The following GRAP2 variants were observed in gnomAD, a reference collection of about 807,000 sequenced individuals.
GRAP2 encodes GRB2 related adaptor protein 2.
In GRAP2, 31 loss-of-function variants were observed where a neutral mutation model predicts 43.5. That is an observed-to-expected ratio of 0.71 (90% CI 0.54 to 0.96). GRAP2 has a LOEUF of 0.96. GRAP2 is among the 40% of genes least tolerant of loss of function. The probability of loss-of-function intolerance (pLI) is 0.00; values close to 1 mark genes in which losing one functional copy is unlikely to be tolerated. For missense variants in GRAP2, 371 were observed against 424.4 expected, an observed-to-expected ratio of 0.87 and a Z score of 1.11; for synonymous variants, 156 against 164.8, an observed-to-expected ratio of 0.95 and a Z score of 0.41.
At chr22:39,903,919 G>C (rs532952983) in intron 1 of GRAP2, among the ~76,000 whole-genome samples, 2 of 152,212 alleles carry the variant, frequency 1.3e-5, no homozygotes, top group East Asian at 3.9e-4. Context: ...TTAACATTAA[G>C]TTTCAATAAA....
At chr22:39,944,928 A>G (rs1390188699) in intron 1 of GRAP2, among the ~76,000 whole-genome samples, 2 of 152,224 alleles carry the variant, frequency 1.3e-5, no homozygotes, top group African/African-American at 4.8e-5. Flanking sequence ...CTTCAGGACC[A>G]TTCACCTGAC....
chr22:39,953,567 C>G (rs748565685), intron 2 of GRAP2, among the ~76,000 whole-genome samples: 3 of 152,186 alleles, frequency 2.0e-5, no homozygotes, highest in Non-Finnish European at 4.4e-5. Context: ...GCCTTGCAAT[C>G]TATCTTCACA....
chr22:39,961,847 A>G (rs2067123149), intron 4 of GRAP2, among the ~76,000 whole-genome samples: 1 of 152,258 alleles, frequency 6.6e-6, no homozygotes, highest in South Asian at 2.1e-4. Flanking sequence ...TCCAATCTCA[A>G]GTAATAAACT....
At chr22:39,948,001 G>T (rs534267012) in intron 2 of GRAP2, 1 of 151,926 alleles carries the variant, frequency 6.6e-6, no homozygotes, top group South Asian at 2.1e-4. Flanking sequence ...CTGATCCCTG[G>T]TCCTCAGATA....
chr22:39,908,570 T>C (rs2066538328), intron 1 of GRAP2, among the ~76,000 whole-genome samples: 1 of 152,192 alleles, frequency 6.6e-6, no homozygotes, highest in African/African-American at 2.4e-5. Flanking sequence ...TCCTTGATTT[T>C]TTATTACGAA....
chr22:39,923,048 A>AC (rs1453696617), intron 1 of GRAP2, among the ~76,000 whole-genome samples: 1 of 151,878 alleles, frequency 6.6e-6, no homozygotes, highest in African/African-American at 2.4e-5. Flanking sequence ...TTAAAAAAAA[A>AC]AAAAAAAATT....
chr22:39,900,306 G>A (rs976713783), upstream of GRAP2, among the ~76,000 whole-genome samples: 1 of 152,134 alleles, frequency 6.6e-6, no homozygotes, highest in Non-Finnish European at 1.5e-5. Flanking sequence ...ATCCCAGTGA[G>A]CCAACATTTC....
Position 39,960,050 on chromosome 22 carries a change from C to T in GRAP2, c.171-5C>T. 1 of 1,613,702 alleles carries T rather than the reference C, an allele frequency of 6.2e-7. No homozygotes were observed. Among genetic ancestry groups the T allele is most frequent in the Non-Finnish European group, 8.5e-7 (1 of 1,179,608 alleles). Reference sequence around the variant, plus strand: ...TGATCCTTTTGTTTGATCTCGCCCCCACAGATGGTTTCACGAAGGCCTCTC... The same window carrying T: ...TGATCCTTTTGTTTGATCTCGCCCCTACAGATGGTTTCACGAAGGCCTCTC... On this transcript the variant is annotated splice_region_variant and splice_polypyrimidine_tract_variant and intron_variant, in intron 3 of 7. Transcript: ENST00000344138.
chr22:39,900,271 T>C (rs1402578464), upstream of GRAP2, among the ~76,000 whole-genome samples: 1 of 152,196 alleles, frequency 6.6e-6, no homozygotes, highest in African/African-American at 2.4e-5. Flanking sequence ...CTCCTCTTGG[T>C]ATTCCAGGGA....
At chr22:39,969,384 G>T in intron 6 of GRAP2, 27 bp from the exon 7 acceptor site, 2 of 1,612,842 alleles carry the variant, frequency 1.2e-6, no homozygotes, top group South Asian at 2.2e-5. Flanking sequence ...GCAGTGGGGT[G>T]ACCAGTCTTC....
upstream of GRAP2, among the ~76,000 whole-genome samples, chr22:39,898,769 C>G (rs974650857): frequency 6.6e-6 from 1 of 152,110 alleles, no homozygotes; most frequent in African/African-American, 2.4e-5. Flanking sequence ...GCCAAGATTG[C>G]GTCACTGTAC....
chr22:39,969,503 C>T lies in GRAP2; in HGVS notation c.783C>T (p.His261=). ...EMNAALMHRR[H]TDPVQLQAAG... is the part of the protein sequence containing the mutation. ...ATGCGGCCCTCATGCATCGGAGACA[C>T]ACAGACCCAGTGCAGCTCCAGGCGG... The change falls in exon 7 of 8, where the codon CAC becomes CAT. Residue 261 remains histidine, a synonymous_variant. Coordinates refer to ENST00000344138, the MANE Select transcript of GRAP2 (RefSeq NM_004810.4). 1 of 1,614,052 alleles carries T rather than the reference C, an allele frequency of 6.2e-7. No individual in the cohort carries two copies. The highest frequency in any genetic ancestry group is 8.5e-7 in the Non-Finnish European group (1 of 1,179,974).
At chr22:39,927,272 T>A (rs1007199190) in intron 1 of GRAP2, among the ~76,000 whole-genome samples, 1 of 152,206 alleles carries the variant, frequency 6.6e-6, no homozygotes, top group Non-Finnish European at 1.5e-5. Flanking sequence ...CCCGCCGGCA[T>A]GTGCAAGTTG....
chr22:39,936,687 A>C (rs895867667), intron 1 of GRAP2, among the ~76,000 whole-genome samples: 2 of 151,930 alleles, frequency 1.3e-5, no homozygotes, highest in Non-Finnish European at 2.9e-5. Flanking sequence ...AAGGAGAGAG[A>C]GAGAAAGAGG....
chr22:39,966,646 TGGGATTG>T (rs1357837725), intron 5 of GRAP2, among the ~76,000 whole-genome samples: 1 of 152,098 alleles, frequency 6.6e-6, no homozygotes, highest in African/African-American at 2.4e-5. Context: ...AGTTTTATGA[TGGGATTG>T]GGGGTAGGGA....
intron 1 of GRAP2, among the ~76,000 whole-genome samples, chr22:39,924,701 CAA>C (rs1049475917): frequency 1.4e-5 from 2 of 140,048 alleles, no homozygotes; most frequent in African/African-American, 2.6e-5. Context: ...GACTCCGTCT[CAA>C]AAAAAAAAAG....
upstream of GRAP2, among the ~76,000 whole-genome samples, chr22:39,898,479 A>G (rs1471906583): frequency 6.6e-6 from 1 of 152,222 alleles, no homozygotes; most frequent in Non-Finnish European, 1.5e-5. Flanking sequence ...AGAAGTACAT[A>G]TTTTACCATA....
intron 1 of GRAP2, among the ~76,000 whole-genome samples, chr22:39,905,821 A>G (rs1392513106): frequency 2.6e-5 from 4 of 152,198 alleles, no homozygotes; most frequent in Admixed American, 6.5e-5. Flanking sequence ...ACTCTCTCTG[A>G]TGATGGGCAC....
chr22:39,897,412 C>T (rs1426092410), upstream of GRAP2, among the ~76,000 whole-genome samples: 1 of 151,958 alleles, frequency 6.6e-6, no homozygotes, highest in East Asian at 1.9e-4. Context: ...TGTTTCTAGA[C>T]TTTATGATCA....
Sources: gnomAD v4.1 joint callset for allele counts (sites outside exome capture counted in the v4.1 genomes callset) on GRCh38, gnomAD v4.1.1 for gene constraint, MANE v1.5 for transcripts, NCBI Gene and HGNC (gene_info 2026-07-23, HGNC 2026-07-21) for gene names.